CUBN: variants seen among roughly 807,000 people sequenced by gnomAD.
The protein encoded by CUBN is 460 kDa receptor.
In CUBN, 282 loss-of-function variants were observed where a neutral mutation model predicts 405.3. That is an observed-to-expected ratio of 0.70 (90% CI 0.63 to 0.77). CUBN has a LOEUF of 0.77. Ranked by LOEUF, CUBN falls within the 30% of genes least tolerant of loss-of-function variation. CUBN has a pLI of 0.00. For synonymous variants in CUBN, 1,684 were observed against 1,617.0 expected, an observed-to-expected ratio of 1.04 and a Z score of -0.99; for missense variants, 4,514 against 4,475.2, an observed-to-expected ratio of 1.01 and a Z score of -0.25.
chr10:17,104,238 T>C (rs542549288), intron 12 of CUBN, among the ~76,000 whole-genome samples, 181 bp downstream of exon 12: 1 of 152,326 alleles, frequency 6.6e-6, no homozygotes, highest in South Asian at 2.1e-4. Flanking sequence ...TGGCTTACAG[T>C]GAGATTTATA....
chr10:16,869,596 A>G (rs750843479), intron 59 of CUBN, 40 bp downstream of exon 59: 2 of 1,378,684 alleles, frequency 1.5e-6, no homozygotes, highest in Non-Finnish European at 2.1e-6. Flanking sequence ...CAGAAAGGTA[A>G]CAGTCCTGAC....
chr10:17,104,472 C>T lies in CUBN; in HGVS notation c.1364G>A (p.Ser455Asn), dbSNP rs1463585352. The change falls in exon 12 of 67, where the codon AGT becomes AAT. Residue 455 changes from serine (S) to asparagine (N), a missense_variant. Around this residue, in one of 5 missense-constraint regions of CUBN, gnomAD observed 1,448 missense variants for 1,388.0 expected, o/e 1.04. Transcript: ENST00000377833. ...GTCVDGVDSF[S>N]CECTRLWTGA... ...AGTCCAGAGACGTGTGCATTCACAA[C>T]TGAAAGAATCAACGCCATCAACACA... 7 of 1,613,918 alleles carry T rather than the reference C, an allele frequency of 4.3e-6. No individual in the cohort carries two copies. In the African/African-American group the frequency reaches 5.3e-5, roughly 12 times the overall value.
chr10:17,113,521 T>C (rs1435529060), intron 8 of CUBN, among the ~76,000 whole-genome samples: 2 of 152,254 alleles, frequency 1.3e-5, no homozygotes, highest in Middle Eastern at 3.4e-3. Flanking sequence ...ACGGAGCCCA[T>C]GTTTTCCATG....
At chr10:16,883,088 AAAAG>A (rs1222765361) in intron 56 of CUBN, among the ~76,000 whole-genome samples, 1 of 152,116 alleles carries the variant, frequency 6.6e-6, no homozygotes, top group South Asian at 2.1e-4. Flanking sequence ...GAAAGAAAGA[AAAAG>A]AAAGGAAGGA....
chr10:16,870,664 A>C lies in CUBN; in HGVS notation c.9237-811T>G, dbSNP rs991102520. 2.6e-5 allele frequency among the ~76,000 whole-genome samples: 4 copies of C among 152,264 alleles called. 1 individual carries two copies. Among genetic ancestry groups the C allele is most frequent in the African/African-American group, 9.6e-5 (4 of 41,478 alleles). Reference sequence around the variant, plus strand: ...AAGCAAATGTAAAAACGAAGCTTCCATCAGCCTGGGTTGTTGGATGACCAC... The same window carrying C: ...AAGCAAATGTAAAAACGAAGCTTCCCTCAGCCTGGGTTGTTGGATGACCAC... On this transcript the variant is annotated intron_variant, in intron 58 of 66. Transcript: ENST00000377833.
Position 16,865,436 on chromosome 10 carries a change from C to T in CUBN, c.9454+4200G>A, listed in dbSNP as rs188201342. ...AATACCCCAGGTGGAGGAAGGCAGA[C>T]AGTGGCCCTCGTCATCAGCATGTGT... On this transcript the variant is annotated intron_variant, in intron 59 of 66. Coordinates refer to ENST00000377833, the MANE Select transcript of CUBN (RefSeq NM_001081.4). 9.0e-4 allele frequency among the ~76,000 whole-genome samples: 137 copies of T among 152,232 alleles called. 1 individual carries two copies. Among genetic ancestry groups the T allele is most frequent in the Non-Finnish European group, 1.1e-3 (73 of 68,000 alleles).
At chr10:16,946,438 A>G (rs1233575809) in intron 36 of CUBN, among the ~76,000 whole-genome samples, 1 of 152,040 alleles carries the variant, frequency 6.6e-6, no homozygotes, top group Non-Finnish European at 1.5e-5. Flanking sequence ...AATTAAGTTT[A>G]AAGTTTAAGT....
rs971066574 is a variant in CUBN, at chr10:16,831,315, A to G, written c.10465T>C (p.Phe3489Leu). ...FSQNNELYLRFKSDSVTSDRG... is the reference protein window; with the variant it reads ...FSQNNELYLRLKSDSVTSDRG... ...TCAGAAGTTACACTATCACTCTTAA[A>G]TCGTAGGTATAGTTCATTATTTTGA... The change falls in exon 65 of 67, where the codon TTT becomes CTT. Residue 3489 changes from phenylalanine to leucine, a missense_variant. Physicochemically the swap from Phe to Leu is conservative, Grantham distance 22. This residue lies in a region of CUBN where 1,186 missense variants were observed against 1,186.9 expected (regional missense o/e 1.00). Coordinates refer to ENST00000377833, the MANE Select transcript of CUBN (RefSeq NM_001081.4). The G allele has an allele frequency of 3.1e-6, 5 of 1,613,744 alleles. No individual in the cohort carries two copies. In the South Asian group the frequency reaches 4.4e-5, roughly 14 times the overall value.
intron 22 of CUBN, among the ~76,000 whole-genome samples, chr10:17,052,610 A>C (rs1835294991): frequency 6.6e-6 from 1 of 151,448 alleles, no homozygotes; most frequent in East Asian, 1.9e-4. Context: ...AAATACAAAA[A>C]TTAGCCAGGC....
chr10:17,015,301 C>G (rs1413200955), intron 28 of CUBN, among the ~76,000 whole-genome samples: 1 of 152,124 alleles, frequency 6.6e-6, no homozygotes, highest in African/African-American at 2.4e-5. Flanking sequence ...GGTTGATTCC[C>G]TCCTCAAGTA....
Position 17,065,596 on chromosome 10 carries a change from A to G in CUBN, c.3051T>C (p.Gly1017=). The change falls in exon 22 of 67, where the codon GGT becomes GGC. Residue 1017 remains glycine, a synonymous_variant. Coordinates refer to ENST00000377833, the MANE Select transcript of CUBN (RefSeq NM_001081.4). ...TCACAAACACCAGCATCAATGAGTT[A>G]CCACTGCTTGTGAGAGATGGCGGGA... The part of the protein sequence containing the change: ...KSIPPSLTSS[G]NSLMLVFVTD... The G allele has an allele frequency of 6.2e-7, 1 of 1,613,648 alleles. No individual in the cohort carries two copies. Among genetic ancestry groups the G allele is most frequent in the Non-Finnish European group, 8.5e-7 (1 of 1,179,622 alleles).
chr10:16,916,063 A>AAAGC lies in CUBN; in HGVS notation c.7001-37_7001-34dup, dbSNP rs753903890. The AAAGC allele has an allele frequency of 8.8e-6, 14 of 1,586,736 alleles. No homozygotes were observed. The African/African-American group carries it at 1.2e-4, about 14-fold the overall frequency. ...AAATAAAAATAAATAAATAAATAAG[A>AAAGC]AAGCAAGCAAGCAAGAAAGATTGAT... On this transcript the variant is annotated intron_variant, in intron 45 of 66. Transcript: ENST00000377833.
rs774038454 is a variant in CUBN, at chr10:16,928,263, G to A, written c.6165C>T (p.Gly2055=). 6 of 1,613,862 alleles carry A rather than the reference G, an allele frequency of 3.7e-6. No individual in the cohort carries two copies. The South Asian group carries it at 5.5e-5, about 15-fold the overall frequency. ...NLAQQLAVLC[G]REIPGPIRST... ...ACCGGATGGGCCCAGGGATCTCTCT[G>A]CCACAGAGAACTGCTAGCTGCTGGG... Residue 2055 remains glycine (G), a synonymous_variant, in exon 41 of 67, where the codon GGC becomes GGT. Coordinates refer to ENST00000377833, the MANE Select transcript of CUBN (RefSeq NM_001081.4).
At chr10:17,055,738 A>G (rs1835379271) in intron 22 of CUBN, among the ~76,000 whole-genome samples, 1 of 152,174 alleles carries the variant, frequency 6.6e-6, no homozygotes, top group African/African-American at 2.4e-5. Flanking sequence ...CACAAACTCT[A>G]CACTGAAAAC....
intron 60 of CUBN, among the ~76,000 whole-genome samples, chr10:16,841,355 A>G (rs1005375067): frequency 2.6e-5 from 4 of 152,110 alleles, no homozygotes; most frequent in Admixed American, 2.6e-4. Flanking sequence ...TATGGCCCCA[A>G]CTGCTCTGAT....
At chr10:16,928,131 G>C (rs1291229960) in intron 41 of CUBN, 26 bp downstream of exon 41, 1 of 1,609,294 alleles carries the variant, frequency 6.2e-7, no homozygotes, top group Non-Finnish European at 8.5e-7. Context: ...GATAACATGG[G>C]ATTAAAAAAT....
intron 39 of CUBN, among the ~76,000 whole-genome samples, chr10:16,933,907 T>C (rs528572458): frequency 8.0e-4 from 122 of 152,340 alleles, no homozygotes; most frequent in African/African-American, 2.7e-3. Context: ...CTGTTGCTGA[T>C]TGTTTTCGGC....
chr10:16,982,453 G>A (rs1235895040), intron 31 of CUBN, 31 bp downstream of exon 31: 2 of 1,590,540 alleles, frequency 1.3e-6, no homozygotes, highest in South Asian at 1.1e-5. Flanking sequence ...AGGTTTGACT[G>A]GAGACAATGC....
chr10:17,120,159 C>T (rs530165081), intron 6 of CUBN, among the ~76,000 whole-genome samples: 1 of 152,250 alleles, frequency 6.6e-6, no homozygotes, highest in East Asian at 1.9e-4. Context: ...CAGTGAATAC[C>T]CTGATTAACA....
Sources: gnomAD v4.1 joint callset for allele counts (sites outside exome capture counted in the v4.1 genomes callset) on GRCh38, gnomAD v4.1.1 for gene constraint, gnomAD v4.1.1 regional missense constraint, MANE v1.5 for transcripts, NCBI Gene and HGNC (gene_info 2026-07-23, HGNC 2026-07-21) for gene names.